CDC42BPB: variants seen among roughly 807,000 people sequenced by gnomAD.
CDC42BPB encodes the protein serine/threonine-protein kinase MRCK beta.
In CDC42BPB, 37 loss-of-function variants were observed where a neutral mutation model predicts 214.9. The observed-to-expected ratio is 0.17, with a 90% CI of 0.13 to 0.23. CDC42BPB has a LOEUF of 0.23. Among genes scored for constraint, CDC42BPB ranks in the 10% least tolerant of loss-of-function variants. The pLI is 1.00. For synonymous variants in CDC42BPB, 931 were observed against 884.0 expected (o/e 1.05, Z -0.94); for missense variants, 1,694 against 2,227.0 (o/e 0.76, Z 4.82).
At chr14:102,971,191 T>C (rs978373757) in intron 13 of CDC42BPB, among the ~76,000 whole-genome samples, 1 of 152,216 alleles carries the variant, frequency 6.6e-6, no homozygotes, top group Non-Finnish European at 1.5e-5. Flanking sequence ...CTGTTTTCCA[T>C]TCAGCCAGAT....
intron 20 of CDC42BPB, 158 bp from the exon 21 acceptor site, chr14:102,959,868 G>A (rs1409323705): frequency 3.1e-6 from 3 of 960,486 alleles, no homozygotes; most frequent in Non-Finnish European, 3.7e-6. Context: ...AAAGGGGTCA[G>A]GCTTTTCCCC....
At chr14:103,021,613 G>A (rs1260922539) in intron 1 of CDC42BPB, among the ~76,000 whole-genome samples, 1 of 151,554 alleles carries the variant, frequency 6.6e-6, no homozygotes, top group Non-Finnish European at 1.5e-5. Flanking sequence ...CCAGGAGGCA[G>A]AGGTTGCAGT....
At chr14:102,954,532 G>A (rs1339326991) in intron 22 of CDC42BPB, 70 bp downstream of exon 22, 1 of 1,441,904 alleles carries the variant, frequency 6.9e-7, no homozygotes, top group Non-Finnish European at 9.6e-7. Context: ...GGCCAGGTGA[G>A]CAGCATCTGG....
chr14:103,016,348 C>T (rs922108900), intron 1 of CDC42BPB, among the ~76,000 whole-genome samples: 16 of 152,260 alleles, frequency 1.1e-4, no homozygotes, highest in African/African-American at 3.9e-4. Context: ...CCTCCCGCCT[C>T]CCAGCCTTGT....
intron 20 of CDC42BPB, among the ~76,000 whole-genome samples, chr14:102,960,123 C>T (rs368267187): frequency 4.0e-5 from 6 of 151,846 alleles, no homozygotes; most frequent in Admixed American, 2.6e-4. Flanking sequence ...AGGAGAATCT[C>T]GAGCCCAGGA....
At chr14:102,995,205 G>C (rs1198946575) in intron 5 of CDC42BPB, among the ~76,000 whole-genome samples, 2 of 148,266 alleles carry the variant, frequency 1.3e-5, no homozygotes, top group Non-Finnish European at 3.0e-5. Context: ...ACAGAGTATC[G>C]CTCTTGTTCT....
Position 102,976,005 on chromosome 14 carries a change from T to C in CDC42BPB, c.1265A>G (p.Asn422Ser), listed in dbSNP as rs773422657. 5.0e-6 allele frequency: 8 copies of C among 1,614,138 alleles called. No individual in the cohort carries two copies. In the African/African-American group the frequency reaches 6.7e-5, roughly 13 times the overall value. ...RGSLKSIMQS[N>S]TLTKDEDVQR... ...CACATCCTCATCTTTGGTTAATGTGTTGGACTGCATTATGCTCTTCAGAGA... is the reference window on the plus strand; with the variant it reads ...CACATCCTCATCTTTGGTTAATGTGCTGGACTGCATTATGCTCTTCAGAGA... Residue 422 changes from asparagine to serine, a missense_variant, in exon 10 of 37, where the codon AAC becomes AGC. Around this residue, in one of 7 missense-constraint regions of CDC42BPB, gnomAD observed 462 missense variants for 513.5 expected, o/e 0.90. Coordinates refer to ENST00000361246, the MANE Select transcript of CDC42BPB (RefSeq NM_006035.4).
At position 102,959,614 on chromosome 14, in the gene CDC42BPB, A is replaced by G; in HGVS notation, c.2901+17T>C. 6.4e-7 allele frequency: 1 copy of G among 1,569,518 alleles called. No individual in the cohort carries two copies. Among genetic ancestry groups the G allele is most frequent in the Non-Finnish European group, 8.7e-7 (1 of 1,150,342 alleles). ...TCATAAACTCATCTGTCACTTAAAA[A>G]AAAAACAATGACTTACTCTAAATGT... On this transcript the variant is annotated intron_variant, in intron 21 of 36. Coordinates refer to ENST00000361246, the MANE Select transcript of CDC42BPB (RefSeq NM_006035.4).
In CDC42BPB at chr14:102,950,377, G is replaced by A. The variant is rs2285012; in HGVS notation, c.3309+89C>T. On this transcript the variant is annotated intron_variant, in intron 25 of 36. Coordinates refer to ENST00000361246, the MANE Select transcript of CDC42BPB (RefSeq NM_006035.4). Reference sequence around the variant, plus strand: ...GCACCAGGGCCACCTGCCGCAGCAAGGGGCTGCTTTCAAGAGTGGCTGGGC... The same window carrying A: ...GCACCAGGGCCACCTGCCGCAGCAAAGGGCTGCTTTCAAGAGTGGCTGGGC... 4 of 1,518,764 alleles carry A rather than the reference G, an allele frequency of 2.6e-6. No homozygotes were observed. The African/African-American group carries it at 5.5e-5, about 21-fold the overall frequency. The allele number at this position is 1,518,764 out of a possible 1,614,324, so 94.1% of individuals were successfully genotyped here.
intron 30 of CDC42BPB, chr14:102,941,201 A>C (rs1171697266): frequency 6.1e-6 from 6 of 985,336 alleles, no homozygotes; most frequent in Non-Finnish European, 7.2e-6. Flanking sequence ...CAGCTTGCAG[A>C]AACGCAGAGC....
chr14:103,011,951 GAA>G (rs946468677), intron 2 of CDC42BPB, 144 bp downstream of exon 2: 10 of 665,864 alleles, frequency 1.5e-5, no homozygotes, highest in African/African-American at 1.5e-4. Context: ...CCTCATCTTA[GAA>G]AGAGAGAGAG....
chr14:103,046,955 A>G (rs569500804), intron 1 of CDC42BPB, among the ~76,000 whole-genome samples: 4 of 151,098 alleles, frequency 2.6e-5, no homozygotes, highest in East Asian at 2.0e-4. Flanking sequence ...CCAGCCTTAC[A>G]TTGAATTTTT....
At chr14:103,012,933 T>G (rs1472677421) in intron 1 of CDC42BPB, among the ~76,000 whole-genome samples, 3 of 152,228 alleles carry the variant, frequency 2.0e-5, no homozygotes, top group Non-Finnish European at 4.4e-5. Flanking sequence ...ATGGCCTAGG[T>G]GTGGAGTAGG....
At chr14:103,038,124 C>G (rs1042980117) in intron 1 of CDC42BPB, among the ~76,000 whole-genome samples, 3 of 151,622 alleles carry the variant, frequency 2.0e-5, no homozygotes, top group African/African-American at 7.3e-5. Context: ...ATCACGAGGT[C>G]GAGAGATCAA....
chr14:103,024,491 G>A (rs1886941026), intron 1 of CDC42BPB, among the ~76,000 whole-genome samples: 1 of 152,186 alleles, frequency 6.6e-6, no homozygotes, highest in South Asian at 2.1e-4. Flanking sequence ...CAAAGCATCA[G>A]TAAATAAGGT....
intron 1 of CDC42BPB, chr14:103,041,581 C>T: frequency 9.2e-7 from 1 of 1,088,046 alleles, no homozygotes; most frequent in Non-Finnish European, 1.4e-6. Flanking sequence ...CAAGGCCGGG[C>T]AAGCTAAAGT....
At chr14:102,964,245 G>A (rs1165502368) in intron 19 of CDC42BPB, among the ~76,000 whole-genome samples, 1 of 152,214 alleles carries the variant, frequency 6.6e-6, no homozygotes, top group Non-Finnish European at 1.5e-5. Flanking sequence ...ACCCGCTGCC[G>A]TCAAAACACG....
chr14:103,010,807 G>A (rs1182576043), intron 2 of CDC42BPB, among the ~76,000 whole-genome samples: 4 of 152,030 alleles, frequency 2.6e-5, no homozygotes, highest in Non-Finnish European at 4.4e-5. Context: ...TGAGATGGGC[G>A]GATCACGAGG....
At chr14:102,956,847 G>GT (rs756017558) in intron 21 of CDC42BPB, among the ~76,000 whole-genome samples, 252 of 150,814 alleles carry the variant, frequency 1.7e-3, no homozygotes, top group Non-Finnish European at 1.6e-3. Flanking sequence ...GGTTAAGATG[G>GT]TAAGTTTTAT....
Sources: gnomAD v4.1 joint callset for allele counts (sites outside exome capture counted in the v4.1 genomes callset) on GRCh38, gnomAD v4.1.1 for gene constraint, gnomAD v4.1.1 regional missense constraint, MANE v1.5 for transcripts, NCBI Gene and HGNC (gene_info 2026-07-23, HGNC 2026-07-21) for gene names.